PTPRD: variants seen among roughly 807,000 people sequenced by gnomAD.
The protein encoded by PTPRD is protein tyrosine phosphatase receptor type D.
In PTPRD, 34 loss-of-function variants were observed where a neutral mutation model predicts 214.5. That is an observed-to-expected ratio of 0.16 (90% confidence interval 0.12 to 0.21). PTPRD has a LOEUF of 0.21. PTPRD is among the 10% of genes least tolerant of loss of function. The pLI is 1.00. For synonymous variants in PTPRD, 1,128 were observed against 845.7 expected (o/e 1.33, Z -5.79); for missense variants, 2,545 against 2,398.7 (o/e 1.06, Z -1.27).
chr9:8,960,296 T>A (rs141386041), intron 11 of PTPRD, among the ~76,000 whole-genome samples: 1 of 152,104 alleles, frequency 6.6e-6, no homozygotes, highest in Non-Finnish European at 1.5e-5. Context: ...GTTATCATGA[T>A]TGCTAATTCA....
At chr9:8,870,132 A>G (rs2098270470) in intron 11 of PTPRD, among the ~76,000 whole-genome samples, 1 of 152,068 alleles carries the variant, frequency 6.6e-6, no homozygotes, top group South Asian at 2.1e-4. Context: ...CAGTTAAAAA[A>G]AAAAAAAAAA....
intron 7 of PTPRD, among the ~76,000 whole-genome samples, chr9:9,653,114 G>T (rs538150143): frequency 1.4e-5 from 2 of 148,054 alleles, no homozygotes; most frequent in Non-Finnish European, 3.0e-5. Flanking sequence ...AGGCCGAGGC[G>T]GGTGGATCAT....
At position 8,484,398 on chromosome 9, in the gene PTPRD, A is replaced by T. The variant is rs199821954; in HGVS notation, c.3154-20T>A. On this transcript the variant is annotated intron_variant, in intron 29 of 45. Transcript: ENST00000381196. ...AAGAATCTAAAGAGATAAAACCAAT[A>T]AAAAAAAAATCTGGTTATCAGAGAG... The T allele has an allele frequency of 5.7e-6, 7 of 1,224,888 alleles. No individual in the cohort carries two copies. Among genetic ancestry groups the T allele is most frequent in the Non-Finnish European group, 7.7e-6 (7 of 906,808 alleles). The allele number at this position is 1,224,888 out of a possible 1,614,324, so 75.9% of individuals were successfully genotyped here.
intron 39 of PTPRD, among the ~76,000 whole-genome samples, chr9:8,358,014 T>C (rs537879852): frequency 6.6e-6 from 1 of 152,210 alleles, no homozygotes; most frequent in Non-Finnish European, 1.5e-5. Context: ...TTTTAGTCTA[T>C]ACATACAGAT....
At chr9:9,937,975 T>G (rs145720708) in intron 5 of PTPRD, among the ~76,000 whole-genome samples, 1 of 152,174 alleles carries the variant, frequency 6.6e-6, no homozygotes, top group Non-Finnish European at 1.5e-5. Flanking sequence ...GAGGCAGAGA[T>G]CTTACCTCTT....
At chr9:8,977,665 ATTTT>A (rs34223430) in intron 11 of PTPRD, among the ~76,000 whole-genome samples, 1 of 141,578 alleles carries the variant, frequency 7.1e-6, no homozygotes, top group Non-Finnish European at 1.5e-5. Context: ...AACAAGGAGA[ATTTT>A]TTTTTTTTTT....
At chr9:8,903,400 A>G (rs1181581596) in intron 11 of PTPRD, among the ~76,000 whole-genome samples, 1 of 152,178 alleles carries the variant, frequency 6.6e-6, no homozygotes, top group Admixed American at 6.5e-5. Flanking sequence ...TTAGTCATCC[A>G]TTAGCATCAT....
At position 8,968,732 on chromosome 9, in the gene PTPRD, G is replaced by C. The variant is rs140154359; in HGVS notation, c.-104+49965C>G. ...AAATAGTGTGATTTCAGTATCCCTT[G>C]TCTTAATTACTATACTGTCAATGCA... is the stretch of plus-strand genomic sequence containing the variant. On this transcript the variant is annotated intron_variant, in intron 11 of 45. Coordinates refer to ENST00000381196, the MANE Select transcript of PTPRD (RefSeq NM_002839.4). Among the ~76,000 whole-genome samples the C allele has an allele frequency of 2.9e-3, 437 of 152,136 alleles. 1 individual carries two copies. Among genetic ancestry groups the C allele is most frequent in the African/African-American group, 0.01 (422 of 41,522 alleles).
chr9:9,283,986 TAACTC>T (rs1234531857), intron 9 of PTPRD, among the ~76,000 whole-genome samples: 2 of 151,682 alleles, frequency 1.3e-5, no homozygotes, highest in East Asian at 3.9e-4. Flanking sequence ...TCTGGAAAAA[TAACTC>T]AACCACGTTA....
chr9:8,724,754 G>A (rs1383099472), intron 12 of PTPRD, among the ~76,000 whole-genome samples: 1 of 151,602 alleles, frequency 6.6e-6, no homozygotes, highest in Non-Finnish European at 1.5e-5. Context: ...GGCAACATGA[G>A]GAAACCCCAT....
Position 8,541,618 on chromosome 9 carries a change from C to A in PTPRD, c.353-12839G>T, listed in dbSNP as rs2078442984. Among the ~76,000 whole-genome samples the A allele has an allele frequency of 2.0e-5, 3 of 152,070 alleles. 1 individual carries two copies. In the South Asian group the frequency reaches 6.2e-4, roughly 32 times the overall value. On this transcript the variant is annotated intron_variant, in intron 14 of 45. Coordinates refer to ENST00000381196, the MANE Select transcript of PTPRD (RefSeq NM_002839.4). Reference sequence around the variant, plus strand: ...TCCTGGGTTCAAGTAATCCTTCCACCCTGGCCTTCCAGTGCTGGGATTACC... The same window carrying A: ...TCCTGGGTTCAAGTAATCCTTCCACACTGGCCTTCCAGTGCTGGGATTACC...
At chr9:9,930,670 A>T (rs1025155937) in intron 5 of PTPRD, among the ~76,000 whole-genome samples, 6 of 152,136 alleles carry the variant, frequency 3.9e-5, no homozygotes, top group Non-Finnish European at 7.4e-5. Context: ...AGCATTGAGT[A>T]TATCAGTATG....
At chr9:9,442,649 G>A (rs1434418138) in intron 8 of PTPRD, among the ~76,000 whole-genome samples, 1 of 152,074 alleles carries the variant, frequency 6.6e-6, no homozygotes, top group Non-Finnish European at 1.5e-5. Flanking sequence ...GTGAGTTTGG[G>A]GGATTTAATT....
At position 9,747,408 on chromosome 9, in the gene PTPRD, A is replaced by AGT. The variant is rs551525646; in HGVS notation, c.-325-12839_-325-12838dup. 2.5e-4 allele frequency among the ~76,000 whole-genome samples: 38 copies of AGT among 152,258 alleles called. No individual in the cohort carries two copies. The East Asian group carries it at 6.8e-3, about 27-fold the overall frequency. ...AACTTTATATATCTGCTCACAATAG[A>AGT]GTGTGTGAGCCATGCTACAAGACAG... On this transcript the variant is annotated intron_variant, in intron 6 of 45. Transcript: ENST00000381196.
chr9:9,416,600 T>C (rs1186556653), intron 8 of PTPRD, among the ~76,000 whole-genome samples: 2 of 152,196 alleles, frequency 1.3e-5, no homozygotes, highest in African/African-American at 4.8e-5. Flanking sequence ...CCTTGCCTTA[T>C]TCTCCACTTC....
intron 5 of PTPRD, among the ~76,000 whole-genome samples, chr9:9,882,335 C>G (rs570669577): frequency 1.3e-5 from 2 of 151,976 alleles, no homozygotes; most frequent in African/African-American, 4.8e-5. Context: ...AAGGTTTTCC[C>G]ATCATTTTTG....
chr9:9,757,123 T>C (rs2098594483), intron 6 of PTPRD, among the ~76,000 whole-genome samples: 5 of 152,334 alleles, frequency 3.3e-5, no homozygotes, highest in African/African-American at 1.2e-4. Flanking sequence ...TAACAAAGAT[T>C]GGGCAGTTTA....
chr9:9,190,999 C>T (rs934074666), intron 9 of PTPRD, among the ~76,000 whole-genome samples: 3 of 152,094 alleles, frequency 2.0e-5, no homozygotes, highest in Non-Finnish European at 2.9e-5. Flanking sequence ...TTCTCATCTC[C>T]TGGCATTCAT....
intron 8 of PTPRD, among the ~76,000 whole-genome samples, chr9:9,471,217 A>C (rs2094564863): frequency 2.0e-5 from 3 of 152,210 alleles, no homozygotes; most frequent in Admixed American, 2.0e-4. Context: ...GTGCATCTAT[A>C]TGTATCTATC....
Sources: allele counts gnomAD v4.1 joint callset (sites outside exome capture counted in the v4.1 genomes callset), GRCh38; gene constraint gnomAD v4.1.1; transcripts MANE v1.5; gene names NCBI Gene and HGNC (gene_info 2026-07-23, HGNC 2026-07-21).